FAT3: variants seen among roughly 807,000 people sequenced by gnomAD.
The protein encoded by FAT3 is protocadherin Fat 3.
Under a neutral mutation model 310.2 loss-of-function variants are expected in FAT3, and 95 were observed. The observed-to-expected ratio is 0.31, with a 90% CI of 0.26 to 0.36. The LOEUF (loss-of-function observed/expected upper bound fraction) is 0.36, where lower values mean the gene tolerates loss of function less well. Ranked by LOEUF, FAT3 falls within the 10% of genes least tolerant of loss-of-function variation. FAT3 has a pLI of 1.00. For synonymous variants in FAT3, 2,314 were observed against 2,192.9 expected (o/e 1.06, Z -1.54); for missense variants, 5,408 against 5,715.6 (o/e 0.95, Z 1.74).
chr11:92,659,588 C>T (rs1181299985), intron 3 of FAT3, among the ~76,000 whole-genome samples: 1 of 152,166 alleles, frequency 6.6e-6, no homozygotes, highest in Admixed American at 6.5e-5. Flanking sequence ...TTCAGGAAGT[C>T]TCTGAGAGGA....
chr11:92,853,920 T>A (rs1352300685), intron 19 of FAT3, among the ~76,000 whole-genome samples: 2 of 152,178 alleles, frequency 1.3e-5, no homozygotes, highest in Non-Finnish European at 2.9e-5. Flanking sequence ...AGGCTTCAGA[T>A]AGTCCCTGGC....
intron 18 of FAT3, among the ~76,000 whole-genome samples, chr11:92,841,042 C>T (rs752124847): frequency 1.3e-5 from 2 of 152,182 alleles, no homozygotes; most frequent in African/African-American, 2.4e-5. Flanking sequence ...CTAAAAACTC[C>T]TGCTGCTTTA....
intron 4 of FAT3, among the ~76,000 whole-genome samples, chr11:92,714,245 A>T (rs966124570): frequency 6.6e-6 from 1 of 152,170 alleles, no homozygotes. Flanking sequence ...GAGTGTCACA[A>T]TGTTCTGCCT....
intron 3 of FAT3, among the ~76,000 whole-genome samples, chr11:92,654,868 A>G (rs1199021687): frequency 6.6e-6 from 1 of 152,220 alleles, no homozygotes; most frequent in African/African-American, 2.4e-5. Context: ...CCTGAAAAAA[A>G]TAAGATTCAA....
chr11:92,412,704 T>G (rs761947881), intron 2 of FAT3, among the ~76,000 whole-genome samples: 4,634 of 16,460 alleles, frequency 0.28, 354 homozygotes, highest in African/African-American at 0.32. Flanking sequence ...ATGGTGGTGA[T>G]ATATATATAT....
chr11:92,817,607 C>T (rs1947856193), intron 13 of FAT3, among the ~76,000 whole-genome samples: 1 of 152,168 alleles, frequency 6.6e-6, no homozygotes, highest in Non-Finnish European at 1.5e-5. Context: ...GCACTTTGCT[C>T]TCAGAGGGAA....
intron 3 of FAT3, among the ~76,000 whole-genome samples, chr11:92,591,342 G>A (rs1387005468): frequency 6.6e-6 from 1 of 152,126 alleles, no homozygotes; most frequent in Non-Finnish European, 1.5e-5. Flanking sequence ...TTCTGCATTG[G>A]ATTGGTTTCC....
intron 1 of FAT3, among the ~76,000 whole-genome samples, chr11:92,247,021 A>T (rs1864942196): frequency 6.6e-6 from 1 of 152,122 alleles, no homozygotes; most frequent in African/African-American, 2.4e-5. Context: ...GAACCAGTTT[A>T]GAGGGAGCTC....
chr11:92,365,243 T>G (rs1325901260), intron 2 of FAT3, among the ~76,000 whole-genome samples: 1 of 152,074 alleles, frequency 6.6e-6, no homozygotes, highest in African/African-American at 2.4e-5. Context: ...GCACTCCAGC[T>G]TGGGTGACAG....
intron 1 of FAT3, among the ~76,000 whole-genome samples, chr11:92,266,379 G>T (rs377199451): frequency 1.3e-5 from 2 of 152,236 alleles, no homozygotes; most frequent in South Asian, 4.1e-4. Context: ...TATTTATTCC[G>T]TGTTTGACAC....
At chr11:92,535,803 A>G (rs138918139) in intron 3 of FAT3, among the ~76,000 whole-genome samples, 151 of 151,444 alleles carry the variant, frequency 1.0e-3, no homozygotes, top group African/African-American at 3.4e-3. Context: ...CCCATGGATA[A>G]CACCATCATT....
At position 92,890,572 on chromosome 11, in the gene FAT3, A is replaced by G. The variant is rs1420320837; in HGVS notation, c.13229A>G (p.Asp4410Gly). 6.2e-7 allele frequency: 1 copy of G among 1,613,250 alleles called. No homozygotes were observed. Among genetic ancestry groups the G allele is most frequent in the South Asian group, 1.1e-5 (1 of 91,028 alleles). Residue 4410 changes from aspartate to glycine, a missense_variant, in exon 28 of 28, where the codon GAT becomes GGT. By Grantham distance (94) the Asp-to-Gly change is moderately conservative. This residue lies in a region of FAT3 where 649 missense variants were observed against 666.2 expected (regional missense o/e 0.97). Coordinates refer to ENST00000525166, the MANE Select transcript of FAT3 (RefSeq NM_001367949.2). ...GAAGTGCCCAACTATGAGAACCAGG[A>G]TGGAGGGTCTGCACACCAGGGGAGC... The part of the protein sequence containing the change: ...IEEVPNYENQ[D>G]GGSAHQGSTR...
At chr11:92,471,914 G>GATATATAT (rs1591334645) in intron 2 of FAT3, among the ~76,000 whole-genome samples, 1 of 62,914 alleles carries the variant, frequency 1.6e-5, no homozygotes, top group Non-Finnish European at 3.2e-5. Flanking sequence ...CTTTTCATAT[G>GATATATAT]CTATATATAT....
chr11:92,589,000 G>A (rs1358425526), intron 3 of FAT3, among the ~76,000 whole-genome samples: 2 of 152,098 alleles, frequency 1.3e-5, no homozygotes, highest in African/African-American at 4.8e-5. Context: ...TAGGTCTGAG[G>A]TGAGAGTACA....
In FAT3 at chr11:92,883,404, A is replaced by G; in HGVS notation, c.12937+11A>G. On this transcript the variant is annotated intron_variant, in intron 24 of 27. Coordinates refer to ENST00000525166, the MANE Select transcript of FAT3 (RefSeq NM_001367949.2). This position sits in a 1 kb window ranked among gnomAD's most constrained non-coding sequence, Gnocchi z 4.2. ...ACGCGGGAACTGAGAGTGAGTAGGAAGTGGTAATGCTCACCCCTCGGTGCT... is the reference window on the plus strand; with the variant it reads ...ACGCGGGAACTGAGAGTGAGTAGGAGGTGGTAATGCTCACCCCTCGGTGCT... 1.3e-6 allele frequency: 2 copies of G among 1,590,120 alleles called. No individual in the cohort carries two copies. Among genetic ancestry groups the G allele is most frequent in the Non-Finnish European group, 1.7e-6 (2 of 1,166,850 alleles).
At chr11:92,361,250 T>C (rs1251620844) in intron 2 of FAT3, among the ~76,000 whole-genome samples, 1 of 152,158 alleles carries the variant, frequency 6.6e-6, no homozygotes, top group African/African-American at 2.4e-5. Flanking sequence ...CCTCTTAAAG[T>C]ATCTATTCAA....
In FAT3 at chr11:92,792,822, T is replaced by C. The variant is rs1426526619; in HGVS notation, c.4667T>C (p.Val1556Ala). 1.9e-6 allele frequency: 3 copies of C among 1,613,864 alleles called. No homozygotes were observed. The highest frequency in any genetic ancestry group is 1.1e-5 in the South Asian group (1 of 91,080). Residue 1556 changes from valine (V) to alanine (A), a missense_variant, in exon 9 of 28, where the codon GTG becomes GCG. Physicochemically the swap from Val to Ala is moderately conservative, Grantham distance 64. Coordinates refer to ENST00000525166, the MANE Select transcript of FAT3 (RefSeq NM_001367949.2). ...RRNLARVIVN[V>A]EDANDHSPYF... The stretch of plus-strand genomic sequence containing the variant: ...AACTTGGCCCGAGTCATTGTGAATG[T>C]GGAGGATGCTAATGATCACAGTCCT...
intron 2 of FAT3, among the ~76,000 whole-genome samples, chr11:92,430,369 C>G (rs1407069698): frequency 1.3e-5 from 2 of 152,106 alleles, no homozygotes; most frequent in East Asian, 1.9e-4. Flanking sequence ...TAGTTTTGTT[C>G]CCTTGCTGGC....
rs1947298199 is a variant in FAT3, at chr11:92,800,242, G to A, written c.7229G>A (p.Gly2410Asp). Reference protein sequence around the residue: ...ESYVSELAPRGHFVTCVQASD... With the variant: ...ESYVSELAPRDHFVTCVQASD... ...TATGTGAGTGAATTAGCCCCCCGGG[G>A]CCATTTTGTAACCTGTGTACAAGCC... Residue 2410 changes from glycine (G) to aspartate (D), a missense_variant, in exon 10 of 28, where the codon GGC becomes GAC. This residue lies in a region of FAT3 where 4,588 missense variants were observed against 4,809.8 expected (regional missense o/e 0.95). Transcript: ENST00000525166. 24 of 1,613,978 alleles carry A rather than the reference G, an allele frequency of 1.5e-5. No homozygotes were observed. Among genetic ancestry groups the A allele is most frequent in the Non-Finnish European group, 1.8e-5 (21 of 1,179,876 alleles).
Sources: allele counts gnomAD v4.1 joint callset (sites outside exome capture counted in the v4.1 genomes callset), GRCh38; gene constraint gnomAD v4.1.1; regional missense constraint gnomAD v4.1.1; non-coding constraint Gnocchi (gnomAD v3.1); transcripts MANE v1.5; gene names NCBI Gene and HGNC (gene_info 2026-07-23, HGNC 2026-07-21).